MYLK3: variants seen among roughly 807,000 people sequenced by gnomAD.
The protein encoded by MYLK3 is MLC kinase.
A neutral mutation model predicts 76.3 loss-of-function variants in MYLK3; 55 were observed. The observed-to-expected ratio is 0.72, with a 90% CI of 0.58 to 0.90. The LOEUF is 0.90. Ranked by LOEUF, MYLK3 falls within the 40% of genes least tolerant of loss-of-function variation. MYLK3 has a pLI of 0.00. For synonymous variants in MYLK3, 416 were observed against 425.4 expected (o/e 0.98, Z 0.27); for missense variants, 973 against 1,053.6 (o/e 0.92, Z 1.06).
At chr16:46,739,424 G>A (rs1966894918) in intron 2 of MYLK3, among the ~76,000 whole-genome samples, 1 of 152,012 alleles carries the variant, frequency 6.6e-6, no homozygotes, top group Admixed American at 6.5e-5. Context: ...ACAAGTTGGT[G>A]GCATAGCCTG....
Position 46,738,051 on chromosome 16 carries a change from C to A in MYLK3, c.661G>T (p.Val221Phe). 1 of 1,609,496 alleles carries A rather than the reference C, an allele frequency of 6.2e-7. No individual in the cohort carries two copies. The highest frequency in any genetic ancestry group is 2.2e-5 in the East Asian group (1 of 44,816). Residue 221 changes from valine to phenylalanine, a missense_variant, in exon 3 of 13, where the codon GTC becomes TTC. This residue lies in a region of MYLK3 where 641 missense variants were observed against 637.0 expected (regional missense o/e 1.01). Coordinates refer to ENST00000394809, the MANE Select transcript of MYLK3 (RefSeq NM_182493.3). ...GLGADPAQAV[V>F]SPGQGDGVPG... ...ACACCATCTCCCTGGCCCGGTGAGA[C>A]CACTGCCTGGGCGGGGTCAGCTCCC...
chr16:46,732,437 T>A lies in MYLK3; in HGVS notation c.1233A>T (p.Gly411=), dbSNP rs756723082. ...CCCTTTGCTCCTCCTCTGCCTTCAC[T>A]CCCCCGGGGCTGCTGCTCTCCTGCA... The part of the protein sequence containing the change: ...SPLQESSSPG[G]VKAEEEQRAG... Residue 411 remains glycine, a synonymous_variant, in exon 4 of 13, where the codon GGA becomes GGT. Transcript: ENST00000394809. 1.1e-5 allele frequency: 17 copies of A among 1,612,752 alleles called. No homozygotes were observed. Among genetic ancestry groups the A allele is most frequent in the Non-Finnish European group, 1.4e-5 (17 of 1,179,954 alleles).
At chr16:46,729,984 C>G (rs1463250519) in intron 5 of MYLK3, 1 of 516,900 alleles carries the variant, frequency 1.9e-6, no homozygotes, top group African/African-American at 2.0e-5. Context: ...CCAGGCCATC[C>G]TGCACCCCAG....
Position 46,707,590 on chromosome 16 carries a change from A to G in MYLK3, c.*114T>C, listed in dbSNP as rs541512048. Reference sequence around the variant, plus strand: ...CAGCAGCCATAACCATTTTTACAAAATAAGTGGAATCAATAATACCAAAAA... The same window carrying G: ...CAGCAGCCATAACCATTTTTACAAAGTAAGTGGAATCAATAATACCAAAAA... On this transcript the variant is annotated 3_prime_UTR_variant, in exon 13 of 13. Coordinates refer to ENST00000394809, the MANE Select transcript of MYLK3 (RefSeq NM_182493.3). The G allele has an allele frequency of 4.1e-5, 27 of 660,936 alleles. No individual in the cohort carries two copies. In the South Asian group the frequency reaches 5.9e-4, roughly 14 times the overall value. The allele number at this position is 660,936 out of a possible 1,614,324, so 40.9% of individuals were successfully genotyped here.
intron 1 of MYLK3, among the ~76,000 whole-genome samples, chr16:46,753,619 G>T (rs2143017963): frequency 6.6e-6 from 1 of 152,316 alleles, no homozygotes; most frequent in Non-Finnish European, 1.5e-5. Context: ...TTTCAAAAAG[G>T]CTGTCATTTT....
intron 1 of MYLK3, among the ~76,000 whole-genome samples, chr16:46,740,447 G>T (rs895213374): frequency 6.6e-6 from 1 of 150,674 alleles, no homozygotes; most frequent in Non-Finnish European, 1.5e-5. Flanking sequence ...CCGATACAGG[G>T]TTCAAAATAG....
At chr16:46,735,361 A>G (rs1340428084) in intron 3 of MYLK3, among the ~76,000 whole-genome samples, 1 of 152,046 alleles carries the variant, frequency 6.6e-6, no homozygotes, top group Non-Finnish European at 1.5e-5. Flanking sequence ...ACCCGCCACC[A>G]TGCCCAGCTA....
At chr16:46,731,666 C>T (rs1267219466) in intron 4 of MYLK3, among the ~76,000 whole-genome samples, 1 of 152,102 alleles carries the variant, frequency 6.6e-6, no homozygotes, top group African/African-American at 2.4e-5. Flanking sequence ...GTCACTAGCC[C>T]GGGTGGGTGG....
chr16:46,710,956 T>A, intron 10 of MYLK3, 167 bp from the exon 11 acceptor site: 2 of 744,732 alleles, frequency 2.7e-6, no homozygotes, highest in South Asian at 3.4e-5. Flanking sequence ...AGTGTGTTCA[T>A]TAAAGGGAGG....
At chr16:46,757,061 AC>A (rs1438598397) in intron 1 of MYLK3, among the ~76,000 whole-genome samples, 1 of 152,130 alleles carries the variant, frequency 6.6e-6, no homozygotes, top group Non-Finnish European at 1.5e-5. Context: ...CGCCCGCACC[AC>A]ACCATTGCTG....
In MYLK3 at chr16:46,710,807, G is replaced by A. The variant is rs372959225; in HGVS notation, c.2115-18C>T. On this transcript the variant is annotated intron_variant, in intron 10 of 12. Coordinates refer to ENST00000394809, the MANE Select transcript of MYLK3 (RefSeq NM_182493.3). Reference sequence around the variant, plus strand: ...CACTGAGTCTATAGAAGAGAGAAAGGACCATCAGTAGGTGGAGGCCACATT... The same window carrying A: ...CACTGAGTCTATAGAAGAGAGAAAGAACCATCAGTAGGTGGAGGCCACATT... 10 of 1,613,690 alleles carry A rather than the reference G, an allele frequency of 6.2e-6. No homozygotes were observed. In the African/African-American group the frequency reaches 1.2e-4, roughly 19 times the overall value.
At position 46,732,332 on chromosome 16, in the gene MYLK3, C is replaced by T; in HGVS notation, c.1338G>A (p.Gln446=). 1 of 1,612,830 alleles carries T rather than the reference C, an allele frequency of 6.2e-7. No homozygotes were observed. Among genetic ancestry groups the T allele is most frequent in the Non-Finnish European group, 8.5e-7 (1 of 1,180,024 alleles). ...TTCCCGCCCCTGGGCTTTTGCCCTGCTGCAGGCCCAGGGCCCCAACCTCGT... is the reference window on the plus strand; with the variant it reads ...TTCCCGCCCCTGGGCTTTTGCCCTGTTGCAGGCCCAGGGCCCCAACCTCGT... ...NDHEVGALGL[Q]QGKSPGAGNP... The change falls in exon 4 of 13, where the codon CAG becomes CAA. Residue 446 remains glutamine (Q), a synonymous_variant. Transcript: ENST00000394809.
intron 1 of MYLK3, among the ~76,000 whole-genome samples, chr16:46,747,074 C>T (rs1275168007): frequency 3.3e-5 from 5 of 152,144 alleles, no homozygotes; most frequent in Non-Finnish European, 7.4e-5. Context: ...ACAGGGTGTT[C>T]CCTCTACAGA....
rs1567289026 is a variant in MYLK3, at chr16:46,737,901, C to CCCTG, written c.807_810dup (p.Val271GlnfsTer25). ...TCCAGGCTCGGGGAGACCACATTGACCCTGCCGGGTGCTGGAGCCAATTCC... is the reference window on the plus strand; with the variant it reads ...TCCAGGCTCGGGGAGACCACATTGACCCTGCCTGCCGGGTGCTGGAGCCAATTCC... On this transcript the variant is annotated frameshift_variant, in exon 3 of 13. Coordinates refer to ENST00000394809, the MANE Select transcript of MYLK3 (RefSeq NM_182493.3). LOFTEE classifies it high-confidence loss of function. 6.2e-7 allele frequency: 1 copy of CCCTG among 1,614,186 alleles called. No homozygotes were observed. The highest frequency in any genetic ancestry group is 2.2e-5 in the East Asian group (1 of 44,890).
chr16:46,719,040 T>A (rs1241179572), intron 9 of MYLK3, among the ~76,000 whole-genome samples: 1 of 151,334 alleles, frequency 6.6e-6, no homozygotes, highest in Non-Finnish European at 1.5e-5. Context: ...CTGGAAGATA[T>A]GTGATTCGGC....
chr16:46,721,068 A>G, intron 9 of MYLK3, 55 bp downstream of exon 9: 1 of 1,476,084 alleles, frequency 6.8e-7, no homozygotes, highest in Non-Finnish European at 9.5e-7. Flanking sequence ...ATGCCCAGAG[A>G]GCCACAAAGA....
chr16:46,730,487 C>T (rs1025709589), intron 5 of MYLK3, 106 bp downstream of exon 5: 21 of 900,602 alleles, frequency 2.3e-5, no homozygotes, highest in Non-Finnish European at 3.2e-5. Flanking sequence ...TCCATCAGCT[C>T]GAGAGAGAGT....
At position 46,702,857 on chromosome 16, in the gene MYLK3, G is replaced by A. The variant is rs1966589579; in HGVS notation, c.*4847C>T. Among the ~76,000 whole-genome samples, 1 of 149,732 alleles carries A rather than the reference G, an allele frequency of 6.7e-6. No homozygotes were observed. Among genetic ancestry groups the A allele is most frequent in the Non-Finnish European group, 1.5e-5 (1 of 67,722 alleles). On this transcript the variant is annotated 3_prime_UTR_variant, in exon 13 of 13. Transcript: ENST00000394809. ...AATCACTTGAACTCGGGAGGTGGAT[G>A]TTGCAGTAAGCCAAGATTGCGCCAC...
intron 3 of MYLK3, among the ~76,000 whole-genome samples, chr16:46,736,225 C>T (rs555626190): frequency 2.0e-5 from 3 of 152,302 alleles, no homozygotes; most frequent in Admixed American, 2.0e-4. Context: ...GTTGCCCAGG[C>T]TGGCCTCAAG....
Sources: allele counts gnomAD v4.1 joint callset (sites outside exome capture counted in the v4.1 genomes callset), GRCh38; gene constraint gnomAD v4.1.1; regional missense constraint gnomAD v4.1.1; transcripts MANE v1.5; gene names NCBI Gene and HGNC (gene_info 2026-07-23, HGNC 2026-07-21).